Variants in NMI observed in about 807,000 individuals in gnomAD.
The protein encoded by NMI is N-myc-interactor.
NMI carries 39 observed loss-of-function variants against 34.3 expected under a neutral mutation model. The observed-to-expected ratio is 1.14, with a 90% CI of 0.88 to 1.49. The LOEUF is 1.49. NMI is among the 40% of genes most tolerant of loss of function. NMI has a pLI of 0.00. For missense variants in NMI, 339 were observed against 358.1 expected (o/e 0.95, Z 0.43); for synonymous variants, 113 against 120.3 (o/e 0.94, Z 0.40).
rs762712324 is a variant in NMI at position 151,270,693 on chromosome 2, C to T, written c.924G>A (p.Ter308=). The T allele has an allele frequency of 9.3e-6, 15 of 1,608,962 alleles. No individual in the cohort carries two copies. Among genetic ancestry groups the T allele is most frequent in the South Asian group, 5.5e-5 (5 of 90,370 alleles). ...GQPHIAYFEE[*] ...TATAGTTTTCATGATTCTGTTAAGT[C>T]TATTCTTCAAAGTATGCTATGTGAG... is the stretch of plus-strand genomic sequence containing the variant. The change falls in exon 8 of 8, where the codon TAG becomes TAA. Residue 308 remains the stop codon, a stop_retained_variant. Coordinates refer to ENST00000243346, the MANE Select transcript of NMI (RefSeq NM_004688.3).
chr2:151,287,328 T>TACACAC (rs3836200), intron 1 of NMI, among the ~76,000 whole-genome samples: 2,501 of 148,488 alleles, frequency 0.017, 66 homozygotes, highest in East Asian at 0.059. Context: ...CTCACACACA[T>TACACAC]ACACACACAC....
intron 1 of NMI, among the ~76,000 whole-genome samples, chr2:151,284,887 G>C (rs1384086678): frequency 6.6e-6 from 1 of 152,114 alleles, no homozygotes; most frequent in Non-Finnish European, 1.5e-5. Context: ...TAGAAGACTA[G>C]CAAAAACTTA....
chr2:151,270,772 C>A lies in NMI; in HGVS notation c.845G>T (p.Arg282Leu), dbSNP rs377424473. The A allele has an allele frequency of 6.2e-7, 1 of 1,613,962 alleles. No homozygotes were observed. Among genetic ancestry groups the A allele is most frequent in the East Asian group, 2.2e-5 (1 of 44,848 alleles). Residue 282 changes from arginine (R) to leucine (L), a missense_variant, in exon 8 of 8, where the codon CGG becomes CTG. Physicochemically the swap from Arg to Leu is moderately radical, Grantham distance 102 (BLOSUM62 -2). Transcript: ENST00000243346. ...TACTTCTCCACCTCCATTCTTTGCC[C>A]GTTGAAAGTGAATGTTAATTAAATC... ...VEDLINIHFQ[R>L]AKNGGGEVDV...
Position 151,282,012 on chromosome 2 carries a change from A to T in NMI, c.113T>A (p.Ile38Asn). 6.5e-7 allele frequency: 1 copy of T among 1,531,946 alleles called. No individual in the cohort carries two copies. The highest frequency in any genetic ancestry group is 9.0e-7 in the Non-Finnish European group (1 of 1,109,816). 94.9% of individuals were successfully genotyped at this position (1,531,946 alleles called of 1,614,324 possible). A position where few individuals can be genotyped will look rare whatever the true frequency, so the allele number is the denominator to read the frequency against. ...GLIDEITKKN[I>N]QLKKEIQKLE... ...CTTTTGGATCTCCTTCTTTAGTTGA[A>T]TATTTTTCTTTGTAATTTCATCAAT... Residue 38 changes from isoleucine (I) to asparagine (N), a missense_variant, in exon 3 of 8, where the codon ATT becomes AAT. Ile to Asn is a moderately radical substitution (Grantham distance 149, BLOSUM62 -3). Coordinates refer to ENST00000243346, the MANE Select transcript of NMI (RefSeq NM_004688.3).
chr2:151,276,882 G>A (rs925767660), intron 4 of NMI, among the ~76,000 whole-genome samples: 2 of 152,160 alleles, frequency 1.3e-5, no homozygotes, highest in Non-Finnish European at 2.9e-5. Context: ...TCACAAAGCT[G>A]TCAAGTCTAA....
chr2:151,270,786 G>A lies in NMI; in HGVS notation c.831C>T (p.Asn277=). 4.3e-6 allele frequency: 7 copies of A among 1,613,858 alleles called. No individual in the cohort carries two copies. Among genetic ancestry groups the A allele is most frequent in the Non-Finnish European group, 5.9e-6 (7 of 1,179,818 alleles). ...MDEEIVEDLI[N]IHFQRAKNGG... ...CATTCTTTGCCCGTTGAAAGTGAAT[G>A]TTAATTAAATCCTCCACAATTTCTT... The change falls in exon 8 of 8, where the codon AAC becomes AAT. Residue 277 remains asparagine, a synonymous_variant. Coordinates refer to ENST00000243346, the MANE Select transcript of NMI (RefSeq NM_004688.3).
chr2:151,287,316 C>G (rs989373031), intron 1 of NMI, among the ~76,000 whole-genome samples: 1 of 133,210 alleles, frequency 7.5e-6, no homozygotes, highest in Non-Finnish European at 1.6e-5. Flanking sequence ...CTCTCTCTCT[C>G]TCTCACACAC....
chr2:151,276,620 G>A lies in NMI; in HGVS notation c.341-756C>T, dbSNP rs138121961. 3.7e-4 allele frequency among the ~76,000 whole-genome samples: 57 copies of A among 152,212 alleles called. 1 individual carries two copies. In the East Asian group the frequency reaches 9.3e-3, roughly 25 times the overall value. ...TCAGTAAGCTGGGAAAACTTTCATG[G>A]CTAAGTGTCATTTGTACAATTAGTC... is the stretch of plus-strand genomic sequence containing the variant. On this transcript the variant is annotated intron_variant, in intron 4 of 7. Coordinates refer to ENST00000243346, the MANE Select transcript of NMI (RefSeq NM_004688.3).
chr2:151,284,608 G>T (rs558623359), intron 1 of NMI, among the ~76,000 whole-genome samples: 120 of 147,812 alleles, frequency 8.1e-4, no homozygotes, highest in African/African-American at 2.8e-3. Flanking sequence ...TTGACTAAAT[G>T]TTTTTTTTTT....
intron 1 of NMI, among the ~76,000 whole-genome samples, chr2:151,287,583 CT>C: frequency 6.6e-6 from 1 of 152,092 alleles, no homozygotes; most frequent in Admixed American, 6.6e-5. Context: ...CTAATGAAAT[CT>C]TACTGTTCTT....
chr2:151,285,545 G>A (rs1013351522), intron 1 of NMI, among the ~76,000 whole-genome samples: 30 of 148,508 alleles, frequency 2.0e-4, no homozygotes, highest in South Asian at 1.3e-3. Context: ...TCAAGACTGC[G>A]TCACAGCACT....
At chr2:151,281,199 C>T (rs1457636357) in intron 3 of NMI, among the ~76,000 whole-genome samples, 1 of 151,990 alleles carries the variant, frequency 6.6e-6, no homozygotes, top group African/African-American at 2.4e-5. Flanking sequence ...AAATTATGTA[C>T]AATTAAAATA....
At chr2:151,288,487 G>A (rs956260587) in intron 1 of NMI, among the ~76,000 whole-genome samples, 3 of 152,148 alleles carry the variant, frequency 2.0e-5, no homozygotes, top group African/African-American at 7.2e-5. Context: ...AGGCAACCCT[G>A]CCAACACTTT....
At chr2:151,286,262 T>C (rs1395390948) in intron 1 of NMI, among the ~76,000 whole-genome samples, 1 of 152,156 alleles carries the variant, frequency 6.6e-6, no homozygotes, top group Admixed American at 6.5e-5. Flanking sequence ...AATCTAAGCA[T>C]GAGGAAACAT....
intron 4 of NMI, 133 bp from the exon 5 acceptor site, chr2:151,275,997 G>A: frequency 3.1e-6 from 2 of 635,332 alleles, no homozygotes; most frequent in Admixed American, 6.4e-5. Flanking sequence ...TAAAAATTTG[G>A]CGGGCGGTGA....
At chr2:151,274,968 C>T (rs1683263253) in intron 6 of NMI, among the ~76,000 whole-genome samples, 1 of 151,968 alleles carries the variant, frequency 6.6e-6, no homozygotes, top group African/African-American at 2.4e-5. Context: ...GCAGCCTCAA[C>T]CTCCTGGCCT....
chr2:151,274,498 C>T (rs1172946891), intron 6 of NMI, among the ~76,000 whole-genome samples: 4 of 140,196 alleles, frequency 2.9e-5, no homozygotes, highest in South Asian at 2.3e-4. Flanking sequence ...TTTTTTGAGA[C>T]GGAGTCTCAC....
rs1268477878 is a variant in NMI at position 151,270,754 on chromosome 2, C to T, written c.863G>A (p.Gly288Glu). 1 of 1,613,994 alleles carries T rather than the reference C, an allele frequency of 6.2e-7. No homozygotes were observed. Among genetic ancestry groups the T allele is most frequent in the East Asian group, 2.2e-5 (1 of 44,850 alleles). ...AGAACACTTGACCACATCTACTTCT[C>T]CACCTCCATTCTTTGCCCGTTGAAA... is the stretch of plus-strand genomic sequence containing the variant. ...IHFQRAKNGG[G>E]EVDVVKCSLG... is the part of the protein sequence containing the mutation. The change falls in exon 8 of 8, where the codon GGA (glycine) becomes GAA (glutamate). Residue 288 changes from glycine to glutamate, a missense_variant. Physicochemically the swap from Gly to Glu is moderately conservative, Grantham distance 98. Transcript: ENST00000243346.
At chr2:151,274,850 G>A (rs1196503890) in intron 6 of NMI, among the ~76,000 whole-genome samples, 1 of 151,454 alleles carries the variant, frequency 6.6e-6, no homozygotes, top group Admixed American at 6.6e-5. Context: ...GTATTACTTT[G>A]TCATGAAAAA....
Sources: gnomAD v4.1 joint callset for allele counts (sites outside exome capture counted in the v4.1 genomes callset) on GRCh38, gnomAD v4.1.1 for gene constraint, MANE v1.5 for transcripts, NCBI Gene and HGNC (gene_info 2026-07-23, HGNC 2026-07-21) for gene names.